Variants in SAMMSON observed in about 807,000 individuals in gnomAD.
The protein encoded by SAMMSON is survival associated mitochondrial melanoma specific oncogenic non-coding RNA.
At chr3:70,155,198 T>G (rs1323408513) in intron 4 of SAMMSON, among the ~76,000 whole-genome samples, 1 of 151,922 alleles carries the variant, frequency 6.6e-6, no homozygotes. Flanking sequence ...TTGTAAAGTA[T>G]GGTTTCAAGG....
intron 9 of SAMMSON, among the ~76,000 whole-genome samples, chr3:70,360,600 G>A: frequency 6.6e-6 from 1 of 152,096 alleles, no homozygotes; most frequent in East Asian, 1.9e-4. Context: ...TGATTTGAAA[G>A]GAAAATCTGA....
chr3:70,193,822 A>G (rs893629071), intron 4 of SAMMSON, among the ~76,000 whole-genome samples: 5 of 152,188 alleles, frequency 3.3e-5, no homozygotes, highest in African/African-American at 4.8e-5. Flanking sequence ...GCATTGGGTA[A>G]TTAATTCTGC....
chr3:70,008,327 G>A (rs61479859), intron 1 of SAMMSON, among the ~76,000 whole-genome samples: 3,116 of 152,100 alleles, frequency 0.02, 57 homozygotes, highest in Middle Eastern at 0.051. Context: ...TTCATTGAGC[G>A]GTGGTTTGTA....
At chr3:70,277,615 C>G (rs77187356) in intron 6 of SAMMSON, among the ~76,000 whole-genome samples, 1 of 152,126 alleles carries the variant, frequency 6.6e-6, no homozygotes, top group Non-Finnish European at 1.5e-5. Flanking sequence ...TACTTCAAAA[C>G]TGCTACTTGG....
intron 4 of SAMMSON, among the ~76,000 whole-genome samples, chr3:70,132,910 C>T (rs1304738902): frequency 6.6e-6 from 1 of 152,070 alleles, no homozygotes; most frequent in Non-Finnish European, 1.5e-5. Context: ...TGTACATTCC[C>T]ATCGCTGACT....
chr3:70,199,390 AG>A (rs1309333667), intron 4 of SAMMSON, among the ~76,000 whole-genome samples: 7 of 151,722 alleles, frequency 4.6e-5, no homozygotes, highest in Non-Finnish European at 8.8e-5. Flanking sequence ...GAAAAAAAAA[AG>A]TTTTGGCTTA....
At chr3:70,191,565 A>G (rs1160307381) in intron 4 of SAMMSON, among the ~76,000 whole-genome samples, 3 of 152,234 alleles carry the variant, frequency 2.0e-5, no homozygotes, top group Non-Finnish European at 1.5e-5. Flanking sequence ...CTTTGCATTT[A>G]TTACTTATTG....
chr3:70,388,136 A>G (rs551711225), intron 9 of SAMMSON, among the ~76,000 whole-genome samples: 3 of 152,266 alleles, frequency 2.0e-5, no homozygotes, highest in African/African-American at 7.2e-5. Context: ...CTCTGAGAAG[A>G]TGCATAATAT....
At chr3:70,223,858 T>G (rs548364913) in intron 4 of SAMMSON, among the ~76,000 whole-genome samples, 4 of 152,120 alleles carry the variant, frequency 2.6e-5, no homozygotes, top group Non-Finnish European at 5.9e-5. Flanking sequence ...AGACTTAATC[T>G]TTTTTCTCCC....
At chr3:70,135,237 A>G (rs2106676931) in intron 4 of SAMMSON, among the ~76,000 whole-genome samples, 1 of 152,298 alleles carries the variant, frequency 6.6e-6, no homozygotes, top group East Asian at 1.9e-4. Context: ...TAATGGGAAT[A>G]GCTATTACCA....
intron 2 of SAMMSON, among the ~76,000 whole-genome samples, chr3:70,432,826 T>C (rs1291538256): frequency 1.3e-5 from 2 of 152,048 alleles, no homozygotes; most frequent in African/African-American, 4.8e-5. Flanking sequence ...CCTCCCTCTT[T>C]CACCCAGAAT....
intron 6 of SAMMSON, among the ~76,000 whole-genome samples, chr3:70,265,539 G>A (rs1327534330): frequency 1.4e-5 from 2 of 147,712 alleles, no homozygotes; most frequent in Non-Finnish European, 3.0e-5. Context: ...AACCTTCCCA[G>A]CCATCTCAGG....
intron 2 of SAMMSON, among the ~76,000 whole-genome samples, chr3:70,429,879 G>A (rs1365926747): frequency 6.6e-6 from 1 of 152,062 alleles, no homozygotes. Flanking sequence ...GAGACCATGG[G>A]GTTTTCTAAA....
At chr3:70,065,616 G>T (rs567655860) in intron 3 of SAMMSON, among the ~76,000 whole-genome samples, 3 of 152,000 alleles carry the variant, frequency 2.0e-5, no homozygotes, top group African/African-American at 7.2e-5. Context: ...CTCCCTGGGG[G>T]GCTGTTGTCC....
intron 6 of SAMMSON, among the ~76,000 whole-genome samples, chr3:70,269,646 T>A (rs988674972): frequency 3.3e-5 from 5 of 152,242 alleles, no homozygotes; most frequent in African/African-American, 1.2e-4. Context: ...ATTTAATTTG[T>A]CTAAGGTTTT....
intron 2 of SAMMSON, among the ~76,000 whole-genome samples, chr3:70,400,420 T>C (rs1701130980): frequency 6.6e-6 from 1 of 152,158 alleles, no homozygotes; most frequent in Non-Finnish European, 1.5e-5. Flanking sequence ...GTCCTCTTTC[T>C]TGCTTCCTCT....
intron 6 of SAMMSON, among the ~76,000 whole-genome samples, chr3:70,267,563 C>T (rs1420701863): frequency 2.1e-5 from 3 of 143,018 alleles, no homozygotes; most frequent in African/African-American, 5.1e-5. Context: ...CCACCATGCC[C>T]GGCTAATTTT....
chr3:70,313,671 C>G (rs989965965), intron 7 of SAMMSON, among the ~76,000 whole-genome samples: 1 of 152,040 alleles, frequency 6.6e-6, no homozygotes, highest in Non-Finnish European at 1.5e-5. Context: ...GTGTCTTTAC[C>G]TGGACAATTG....
intron 3 of SAMMSON, among the ~76,000 whole-genome samples, chr3:70,048,036 G>C (rs1314428857): frequency 6.6e-6 from 1 of 151,980 alleles, no homozygotes; most frequent in Non-Finnish European, 1.5e-5. Flanking sequence ...GCAATGATTT[G>C]AATAGCAAAA....
Sources: gnomAD v4.1 joint callset for allele counts (sites outside exome capture counted in the v4.1 genomes callset) on GRCh38, gnomAD v4.1.1 for gene constraint, MANE v1.5 for transcripts, NCBI Gene and HGNC (gene_info 2026-07-23, HGNC 2026-07-21) for gene names.